The following LUZP2 variants were observed in gnomAD, a reference collection of about 807,000 sequenced individuals.
LUZP2 encodes leucine zipper protein 2.
In LUZP2, 52 loss-of-function variants were observed where a neutral mutation model predicts 51.6. That is an observed-to-expected ratio of 1.01 (90% CI 0.81 to 1.27). The LOEUF (loss-of-function observed/expected upper bound fraction) is 1.27. Ranked by LOEUF, LUZP2 falls within the 50% of genes most tolerant of loss-of-function variation. LUZP2 has a pLI of 0.00. For synonymous variants in LUZP2, 154 were observed against 137.3 expected (o/e 1.12, Z -0.85); for missense variants, 436 against 395.4 (o/e 1.10, Z -0.87).
intron 1 of LUZP2, among the ~76,000 whole-genome samples, chr11:24,620,311 A>G (rs1383595724): frequency 6.6e-6 from 1 of 152,210 alleles, no homozygotes; most frequent in Non-Finnish European, 1.5e-5. Flanking sequence ...CTTTTATTTT[A>G]AAATGTTATG....
At position 24,631,891 on chromosome 11, in the gene LUZP2, G is replaced by T. The variant is rs75267967; in HGVS notation, c.63-97278G>T. ...ATTAGTGGTCTGTTCAGGTTTTGGAGAATGCAAATTAATACAGGAAAGAGG... is the reference window on the plus strand; with the variant it reads ...ATTAGTGGTCTGTTCAGGTTTTGGATAATGCAAATTAATACAGGAAAGAGG... On this transcript the variant is annotated intron_variant, in intron 1 of 11. Transcript: ENST00000336930. Among the ~76,000 whole-genome samples the T allele has an allele frequency of 8.5e-3, 1,294 of 151,892 alleles. 22 individuals carry two copies. Among genetic ancestry groups the T allele is most frequent in the African/African-American group, 0.03 (1,247 of 41,436 alleles).
intron 1 of LUZP2, among the ~76,000 whole-genome samples, chr11:24,518,246 T>A (rs1850540227): frequency 6.6e-6 from 1 of 152,216 alleles, no homozygotes; most frequent in Admixed American, 6.5e-5. Flanking sequence ...TTAAGAGACT[T>A]GCTTCATCTA....
At chr11:24,567,017 T>A (rs1465337683) in intron 1 of LUZP2, among the ~76,000 whole-genome samples, 12 of 145,716 alleles carry the variant, frequency 8.2e-5, no homozygotes, top group East Asian at 4.0e-4. Flanking sequence ...TATATATATT[T>A]TTTTTAGTAG....
intron 4 of LUZP2, among the ~76,000 whole-genome samples, chr11:24,751,994 C>T (rs543822117): frequency 7.8e-4 from 119 of 151,930 alleles, no homozygotes; most frequent in African/African-American, 2.8e-3. Flanking sequence ...ATACACTAAA[C>T]GGTGTAAGTA....
At chr11:24,997,973 A>T (rs1459920329) in intron 9 of LUZP2, among the ~76,000 whole-genome samples, 4 of 151,884 alleles carry the variant, frequency 2.6e-5, no homozygotes, top group African/African-American at 9.7e-5. Context: ...TGTTCCATTG[A>T]TCTGTATCTC....
At chr11:24,658,448 G>T (rs1274001540) in intron 1 of LUZP2, among the ~76,000 whole-genome samples, 4 of 152,142 alleles carry the variant, frequency 2.6e-5, no homozygotes, top group African/African-American at 7.2e-5. Context: ...AGACTTAAAT[G>T]TTAGACCTAA....
At chr11:24,727,737 A>G (rs774636193) in intron 1 of LUZP2, among the ~76,000 whole-genome samples, 3 of 152,050 alleles carry the variant, frequency 2.0e-5, no homozygotes, top group Non-Finnish European at 4.4e-5. Context: ...ACTGTTCATC[A>G]GTGAAATTCA....
intron 5 of LUZP2, among the ~76,000 whole-genome samples, chr11:24,852,760 A>G (rs1039253378): frequency 1.3e-5 from 2 of 152,090 alleles, no homozygotes; most frequent in African/African-American, 4.8e-5. Context: ...GTGCTCCTGT[A>G]TTGGGTGCAT....
chr11:24,654,194 T>C (rs1185158348), intron 1 of LUZP2, among the ~76,000 whole-genome samples: 1 of 152,140 alleles, frequency 6.6e-6, no homozygotes, highest in Non-Finnish European at 1.5e-5. Context: ...CATAAGCCAG[T>C]TGGTAAGAAC....
At chr11:25,076,195 T>C (rs1351121827) in intron 10 of LUZP2, among the ~76,000 whole-genome samples, 1 of 151,868 alleles carries the variant, frequency 6.6e-6, no homozygotes, top group East Asian at 1.9e-4. Flanking sequence ...CTTTTGTTTT[T>C]GTTCTTGTTT....
At chr11:24,813,575 C>T (rs1266618965) in intron 5 of LUZP2, among the ~76,000 whole-genome samples, 2 of 152,174 alleles carry the variant, frequency 1.3e-5, no homozygotes, top group African/African-American at 2.4e-5. Context: ...GAACTCAGAG[C>T]AAGAGCTCAC....
At chr11:24,794,028 T>A (rs1177923838) in intron 5 of LUZP2, among the ~76,000 whole-genome samples, 1 of 152,112 alleles carries the variant, frequency 6.6e-6, no homozygotes, top group Non-Finnish European at 1.5e-5. Flanking sequence ...TAACCTGACC[T>A]TGTGTTTCTC....
intron 10 of LUZP2, among the ~76,000 whole-genome samples, chr11:25,075,777 A>G (rs1020442673): frequency 6.6e-6 from 1 of 152,146 alleles, no homozygotes; most frequent in African/African-American, 2.4e-5. Flanking sequence ...GTGTTCATTT[A>G]AGAGCAATAT....
At chr11:24,731,034 G>A (rs924847266) in intron 2 of LUZP2, among the ~76,000 whole-genome samples, 2 of 151,574 alleles carry the variant, frequency 1.3e-5, no homozygotes, top group Admixed American at 6.6e-5. Context: ...TTTATGTGAA[G>A]CTACTGTTTC....
intron 5 of LUZP2, among the ~76,000 whole-genome samples, chr11:24,787,966 G>A (rs1416156509): frequency 6.6e-6 from 1 of 151,928 alleles, no homozygotes; most frequent in African/African-American, 2.4e-5. Context: ...TTTGAAAACT[G>A]CTAATTTCTT....
At chr11:24,648,250 A>G (rs1305448780) in intron 1 of LUZP2, among the ~76,000 whole-genome samples, 1 of 151,862 alleles carries the variant, frequency 6.6e-6, no homozygotes, top group Non-Finnish European at 1.5e-5. Context: ...GTAGGTATCC[A>G]TGCATACAAC....
chr11:24,928,966 A>G (rs144062705), intron 7 of LUZP2, among the ~76,000 whole-genome samples: 1 of 152,096 alleles, frequency 6.6e-6, no homozygotes, highest in East Asian at 1.9e-4. Flanking sequence ...AGAAGGTTGT[A>G]TATTTCCAGG....
intron 9 of LUZP2, among the ~76,000 whole-genome samples, chr11:25,032,345 A>G (rs1446203): frequency 2.6e-5 from 4 of 151,958 alleles, no homozygotes; most frequent in Admixed American, 6.6e-5. Flanking sequence ...TGGTATGACA[A>G]CAAATTTAGC....
chr11:24,596,962 G>A (rs536943279), intron 1 of LUZP2, among the ~76,000 whole-genome samples: 5 of 152,114 alleles, frequency 3.3e-5, no homozygotes, highest in African/African-American at 1.2e-4. Flanking sequence ...ATGTCCAGTT[G>A]GTCTATGTGA....
Sources: allele counts gnomAD v4.1 joint callset (sites outside exome capture counted in the v4.1 genomes callset), GRCh38; gene constraint gnomAD v4.1.1; transcripts MANE v1.5; gene names NCBI Gene and HGNC (gene_info 2026-07-23, HGNC 2026-07-21).